LPP: variants seen among roughly 807,000 people sequenced by gnomAD.
LPP encodes the protein LIM domain containing preferred translocation partner in lipoma.
A neutral mutation model predicts 60.4 loss-of-function variants in LPP; 38 were observed. That is an observed-to-expected ratio of 0.63 (90% CI 0.49 to 0.83). The LOEUF is 0.83. Among genes scored for constraint, LPP ranks in the 40% least tolerant of loss-of-function variants. The probability of loss-of-function intolerance (pLI) is 0.00; values close to 1 mark genes in which losing one functional copy is unlikely to be tolerated. For synonymous variants in LPP, 328 were observed against 290.8 expected, an observed-to-expected ratio of 1.13 and a Z score of -1.30; for missense variants, 902 against 783.6, an observed-to-expected ratio of 1.15 and a Z score of -1.80.
At chr3:188,507,001 G>A (rs941131479) in intron 5 of LPP, among the ~76,000 whole-genome samples, 4 of 152,048 alleles carry the variant, frequency 2.6e-5, no homozygotes, top group Non-Finnish European at 5.9e-5. Flanking sequence ...GTTTCACTGT[G>A]TTAGTCAGGA....
At position 188,609,058 on chromosome 3, in the gene LPP, A is replaced by G. The variant is rs1310386368; in HGVS notation, c.430-103A>G. 1.2e-6 allele frequency: 1 copy of G among 858,836 alleles called. No homozygotes were observed. The highest frequency in any genetic ancestry group is 1.8e-6 in the Non-Finnish European group (1 of 558,568). 53.2% of individuals were successfully genotyped at this position (858,836 alleles called of 1,614,324 possible). A position where few individuals can be genotyped will look rare whatever the true frequency, so the allele number is the denominator to read the frequency against. ...ATTTGTGTTCTACATAGTAATAAAT[A>G]ATAATTAGCAGTTATTAATATTTTT... On this transcript the variant is annotated intron_variant, in intron 6 of 11. Transcript: ENST00000617246. The surrounding 1 kb of genome is among the most constrained non-coding windows in gnomAD (Gnocchi z 6.9).
intron 5 of LPP, among the ~76,000 whole-genome samples, chr3:188,512,004 G>A (rs1815831720): frequency 6.6e-6 from 1 of 152,150 alleles, no homozygotes; most frequent in Non-Finnish European, 1.5e-5. Context: ...CACAGTGGGA[G>A]GTGTTAAAGT....
intron 4 of LPP, among the ~76,000 whole-genome samples, chr3:188,478,344 T>C (rs1310177752): frequency 6.6e-6 from 1 of 152,202 alleles, no homozygotes; most frequent in African/African-American, 2.4e-5. Context: ...ATTTAGTGGG[T>C]CAGAACCAAT....
chr3:188,660,067 T>G (rs1351169781), intron 7 of LPP, among the ~76,000 whole-genome samples: 1 of 152,094 alleles, frequency 6.6e-6, no homozygotes, highest in African/African-American at 2.4e-5. Flanking sequence ...ACATATTTGT[T>G]TTTTAGTTTT....
chr3:188,276,938 C>T (rs916168775), intron 2 of LPP, among the ~76,000 whole-genome samples: 4 of 104,250 alleles, frequency 3.8e-5, no homozygotes, highest in Admixed American at 1.5e-4. Flanking sequence ...AGGTCTTACT[C>T]TGATGCCCAG....
Position 188,621,146 on chromosome 3 carries a change from A to C in LPP, c.1113+11302A>C, listed in dbSNP as rs1845730348. Among the ~76,000 whole-genome samples the C allele has an allele frequency of 3.3e-5, 5 of 152,158 alleles. 1 individual carries two copies. The South Asian group carries it at 1.0e-3, about 32-fold the overall frequency. Reference sequence around the variant, plus strand: ...AAAAAAGCAATTTTATTCCAAAAAAAAAAAGAGTCGTTTATGTGGGCTTAA... The same window carrying C: ...AAAAAAGCAATTTTATTCCAAAAAACAAAAGAGTCGTTTATGTGGGCTTAA... On this transcript the variant is annotated intron_variant, in intron 7 of 11. Coordinates refer to ENST00000617246, the MANE Select transcript of LPP (RefSeq NM_001375462.1).
intron 2 of LPP, among the ~76,000 whole-genome samples, chr3:188,240,679 A>C (rs1724183210): frequency 6.6e-6 from 1 of 152,268 alleles, no homozygotes; most frequent in South Asian, 2.1e-4. Flanking sequence ...TCAACTAGTA[A>C]GGCTGCTCAG....
At chr3:188,772,472 G>A (rs927127731) in intron 9 of LPP, among the ~76,000 whole-genome samples, 2 of 152,070 alleles carry the variant, frequency 1.3e-5, no homozygotes, top group Non-Finnish European at 2.9e-5. Context: ...CGGGGTGCGG[G>A]GAGGTCACCC....
chr3:188,322,857 C>T (rs1428597616), intron 2 of LPP, among the ~76,000 whole-genome samples: 1 of 152,158 alleles, frequency 6.6e-6, no homozygotes, highest in East Asian at 1.9e-4. Context: ...ATGTGGGATA[C>T]CTATCTCAGG....
intron 6 of LPP, among the ~76,000 whole-genome samples, chr3:188,550,140 C>T (rs1490880349): frequency 6.6e-6 from 1 of 152,148 alleles, no homozygotes; most frequent in African/African-American, 2.4e-5. Context: ...CTTACAGAAT[C>T]CCCCTATTGG....
chr3:188,222,446 G>C (rs572532329), intron 1 of LPP, among the ~76,000 whole-genome samples: 1 of 152,126 alleles, frequency 6.6e-6, no homozygotes, highest in African/African-American at 2.4e-5. Context: ...CCCAGGAAAT[G>C]GTTGCATACA....
rs1218101934 is a variant in LPP, at chr3:188,760,414, GT to G, written c.1410+133del. 1.1e-4 allele frequency: 76 copies of G among 672,578 alleles called. No homozygotes were observed. In the African/African-American group the frequency reaches 1.3e-3, roughly 12 times the overall value. 41.7% of individuals were successfully genotyped at this position (672,578 alleles called of 1,614,324 possible). ...ACTTCAAAATGTGTGTGTGGGGTGT[GT>G]GTGTGTGTGTGTGTGTGTGTGCGTG... On this transcript the variant is annotated intron_variant, in intron 9 of 11. Transcript: ENST00000617246.
intron 9 of LPP, among the ~76,000 whole-genome samples, chr3:188,841,869 G>A (rs988158814): frequency 1.3e-5 from 2 of 152,156 alleles, no homozygotes; most frequent in African/African-American, 4.8e-5. Context: ...GTATAGGAAT[G>A]CTTGTGATTT....
chr3:188,415,903 G>T (rs992468018), intron 4 of LPP, among the ~76,000 whole-genome samples: 10 of 152,012 alleles, frequency 6.6e-5, no homozygotes, highest in African/African-American at 2.4e-4. Flanking sequence ...AAGTTACATA[G>T]AACTGTATGC....
chr3:188,825,562 G>A (rs187368035), intron 9 of LPP, among the ~76,000 whole-genome samples: 13 of 152,020 alleles, frequency 8.6e-5, no homozygotes, highest in East Asian at 1.9e-4. Flanking sequence ...TTTGGCAGGC[G>A]ACAGGGTTCT....
At chr3:188,281,052 A>G (rs963383324) in intron 2 of LPP, among the ~76,000 whole-genome samples, 8 of 151,606 alleles carry the variant, frequency 5.3e-5, no homozygotes, top group African/African-American at 1.7e-4. Flanking sequence ...CTCCTGCCTC[A>G]GCCTCCCAAG....
intron 6 of LPP, among the ~76,000 whole-genome samples, chr3:188,578,096 T>G (rs902329886): frequency 1.3e-5 from 2 of 152,102 alleles, no homozygotes; most frequent in African/African-American, 4.8e-5. Flanking sequence ...ATAACTATTG[T>G]TTTTAATAAT....
chr3:188,157,617 C>T, intron 1 of LPP, among the ~76,000 whole-genome samples: 1 of 152,064 alleles, frequency 6.6e-6, no homozygotes, highest in East Asian at 1.9e-4. Flanking sequence ...TGGCTTGGCC[C>T]TGAGCGTACA....
At chr3:188,265,762 CAG>C (rs1372242009) in intron 2 of LPP, among the ~76,000 whole-genome samples, 1 of 151,370 alleles carries the variant, frequency 6.6e-6, no homozygotes, top group East Asian at 1.9e-4. Flanking sequence ...TGTATCCAAT[CAG>C]AGAAGTTTCC....
Sources: gnomAD v4.1 joint callset for allele counts (sites outside exome capture counted in the v4.1 genomes callset) on GRCh38, gnomAD v4.1.1 for gene constraint, Gnocchi (gnomAD v3.1) non-coding constraint, MANE v1.5 for transcripts, NCBI Gene and HGNC (gene_info 2026-07-23, HGNC 2026-07-21) for gene names.